MAST2: variants seen among roughly 807,000 people sequenced by gnomAD.
MAST2 encodes microtubule-associated serine/threonine-protein kinase 2.
A neutral mutation model predicts 147.4 loss-of-function variants in MAST2; 70 were observed. That is an observed-to-expected ratio of 0.47 (90% CI 0.39 to 0.58). MAST2 has a LOEUF of 0.58. Among genes scored for constraint, MAST2 ranks in the 20% least tolerant of loss-of-function variants. The pLI is 0.00. For synonymous variants in MAST2, 869 were observed against 896.8 expected (o/e 0.97, Z 0.55); for missense variants, 2,080 against 2,302.3 (o/e 0.90, Z 1.98).
intron 4 of MAST2, among the ~76,000 whole-genome samples, chr1:45,897,390 G>A (rs1648908830): frequency 6.6e-6 from 1 of 152,216 alleles, no homozygotes; most frequent in South Asian, 2.1e-4. Context: ...TAAAAACATA[G>A]TTACAGTTTT....
intron 4 of MAST2, among the ~76,000 whole-genome samples, chr1:45,947,054 G>C (rs1311997209): frequency 1.3e-5 from 2 of 152,168 alleles, no homozygotes; most frequent in African/African-American, 4.8e-5. Context: ...ATTCAAGTTA[G>C]ATTAGGCCTT....
At chr1:45,856,254 G>C (rs1404570195) in intron 3 of MAST2, among the ~76,000 whole-genome samples, 1 of 152,082 alleles carries the variant, frequency 6.6e-6, no homozygotes, top group Non-Finnish European at 1.5e-5. Context: ...GAGGCCAGGA[G>C]TTCAAGACCA....
rs144021205 is a variant in MAST2 at position 45,967,405 on chromosome 1, A to G, written c.592+7928A>G. ...CTTTTGACTGCCCCGAAATTTAACT[A>G]CTAATAGCCTGCTGTTGACCAGAAG... On this transcript the variant is annotated intron_variant, in intron 5 of 28. Transcript: ENST00000361297. 3.4e-3 allele frequency among the ~76,000 whole-genome samples: 525 copies of G among 152,204 alleles called. 2 individuals carry two copies. Among genetic ancestry groups the G allele is most frequent in the African/African-American group, 0.011 (476 of 41,528 alleles).
At chr1:45,974,920 A>C (rs1174621122) in intron 5 of MAST2, among the ~76,000 whole-genome samples, 1 of 152,244 alleles carries the variant, frequency 6.6e-6, no homozygotes, top group Non-Finnish European at 1.5e-5. Flanking sequence ...TAAAGAGTGA[A>C]GGGGATTTCC....
chr1:46,028,709 G>T (rs1480565273), intron 17 of MAST2, 59 bp from the exon 18 acceptor site: 15 of 1,588,048 alleles, frequency 9.4e-6, no homozygotes, highest in Middle Eastern at 1.9e-4. Flanking sequence ...CCCATCTCCG[G>T]CTGTCATGCC....
chr1:45,879,433 C>T (rs1185597470), intron 3 of MAST2, among the ~76,000 whole-genome samples: 2 of 151,904 alleles, frequency 1.3e-5, no homozygotes, highest in African/African-American at 4.8e-5. Flanking sequence ...ATTAGCTGGG[C>T]ATGGTGATGG....
intron 19 of MAST2, 21 bp downstream of exon 19, chr1:46,029,588 T>A: frequency 6.2e-7 from 1 of 1,605,964 alleles, no homozygotes; most frequent in Non-Finnish European, 8.5e-7. Context: ...CCCTGCTAAC[T>A]TTTCTCACTA....
At chr1:45,900,803 GTCT>G (rs1051611422) in intron 4 of MAST2, among the ~76,000 whole-genome samples, 2 of 152,048 alleles carry the variant, frequency 1.3e-5, no homozygotes, top group African/African-American at 4.8e-5. Context: ...TTGGTCACTT[GTCT>G]TCTTTTGTGT....
chr1:45,927,962 G>C (rs975975457), intron 4 of MAST2, among the ~76,000 whole-genome samples: 1 of 152,182 alleles, frequency 6.6e-6, no homozygotes, highest in Admixed American at 6.5e-5. Context: ...CGGTCCCTCT[G>C]TTTGGGGTCC....
intron 4 of MAST2, among the ~76,000 whole-genome samples, chr1:45,936,149 T>C (rs987351850): frequency 2.3e-4 from 35 of 152,230 alleles, no homozygotes; most frequent in African/African-American, 7.0e-4. Flanking sequence ...TTATTCGTTA[T>C]GTGGTTATTG....
intron 10 of MAST2, among the ~76,000 whole-genome samples, chr1:46,017,156 C>T (rs1645985825): frequency 6.6e-6 from 1 of 152,174 alleles, no homozygotes; most frequent in Admixed American, 6.5e-5. Context: ...CTTCCGTACA[C>T]CTTATATAAA....
Position 45,838,100 on chromosome 1 carries a change from A to G in MAST2, c.468+8519A>G, listed in dbSNP as rs950572476. Among the ~76,000 whole-genome samples, 6 of 151,594 alleles carry G rather than the reference A, an allele frequency of 4.0e-5. No homozygotes were observed. In the South Asian group the frequency reaches 1.0e-3, roughly 26 times the overall value. On this transcript the variant is annotated intron_variant, in intron 3 of 28. Coordinates refer to ENST00000361297, the MANE Select transcript of MAST2 (RefSeq NM_015112.3). ...GGCTATCATTTTTTAAATTTTAGCC[A>G]TACTAGTGGATGTGTGGGAGTTTCT...
chr1:45,805,178 A>G (rs1326743199), intron 1 of MAST2, among the ~76,000 whole-genome samples: 1 of 151,806 alleles, frequency 6.6e-6, no homozygotes, highest in Non-Finnish European at 1.5e-5. Context: ...CCTCCCGGCT[A>G]GCTGGGATTA....
At position 46,035,692 on chromosome 1, in the gene MAST2, A is replaced by T; in HGVS notation, c.5023A>T (p.Thr1675Ser). The T allele has an allele frequency of 6.2e-7, 1 of 1,613,946 alleles. No individual in the cohort carries two copies. The highest frequency in any genetic ancestry group is 8.5e-7 in the Non-Finnish European group (1 of 1,180,002). ...PDRASPSRKA[T>S]MAGGLANLQD... ...CAGGGCATCCCCAAGCAGAAAGGCA[A>T]CCATGGCAGGTGGGCTAGCCAACCT... Residue 1675 changes from threonine to serine, a missense_variant, in exon 29 of 29, where the codon ACC (threonine) becomes TCC (serine). This residue lies in a region of MAST2 where 1,278 missense variants were observed against 1,304.2 expected (regional missense o/e 0.98). Coordinates refer to ENST00000361297, the MANE Select transcript of MAST2 (RefSeq NM_015112.3). This position sits in a 1 kb window ranked among gnomAD's most constrained non-coding sequence, Gnocchi z 5.5.
chr1:45,927,051 G>A lies in MAST2; in HGVS notation c.501-32335G>A, dbSNP rs370813336. Among the ~76,000 whole-genome samples the A allele has an allele frequency of 3.4e-3, 525 of 152,266 alleles. 3 individuals carry two copies. The highest frequency in any genetic ancestry group is 0.012 in the African/African-American group (480 of 41,550). On this transcript the variant is annotated intron_variant, in intron 4 of 28. Transcript: ENST00000361297. The stretch of plus-strand genomic sequence containing the variant: ...TGGGTGTCCGGGGGAGACATCACAC[G>A]TTGGTAGGATCCGTGATGCCCCACA...
chr1:45,911,741 A>G (rs2148576486), intron 4 of MAST2, among the ~76,000 whole-genome samples: 1 of 151,164 alleles, frequency 6.6e-6, no homozygotes, highest in African/African-American at 2.4e-5. Context: ...CATATATCAT[A>G]TGGCTATGAT....
At chr1:45,826,178 C>T (rs969859356) in intron 2 of MAST2, among the ~76,000 whole-genome samples, 1 of 152,122 alleles carries the variant, frequency 6.6e-6, no homozygotes, top group Non-Finnish European at 1.5e-5. Flanking sequence ...TGCTAAATCC[C>T]TTTTATCCTG....
Position 46,035,956 on chromosome 1 carries a change from C to T in MAST2, c.5287C>T (p.Pro1763Ser), listed in dbSNP as rs1646889750. 4 of 1,613,890 alleles carry T rather than the reference C, an allele frequency of 2.5e-6. No homozygotes were observed. Among genetic ancestry groups the T allele is most frequent in the African/African-American group, 2.7e-5 (2 of 74,936 alleles). Residue 1763 changes from proline to serine, a missense_variant, in exon 29 of 29, where the codon CCC becomes TCC. Physicochemically the swap from Pro to Ser is moderately conservative, Grantham distance 74 (BLOSUM62 -1). Transcript: ENST00000361297. This position sits in a 1 kb window ranked among gnomAD's most constrained non-coding sequence, Gnocchi z 5.5. The stretch of plus-strand genomic sequence containing the variant: ...GCAGGACGTTCCATGCCGAGGCTGC[C>T]CCCTCACCCAGAAGTCTGAGCCCAG... ...RRQDVPCRGCPLTQKSEPSLR... is the reference protein window; with the variant it reads ...RRQDVPCRGCSLTQKSEPSLR...
chr1:45,924,926 C>G (rs1171083040), intron 4 of MAST2, among the ~76,000 whole-genome samples: 1 of 152,182 alleles, frequency 6.6e-6, no homozygotes, highest in Non-Finnish European at 1.5e-5. Flanking sequence ...ACCAACCCTG[C>G]TAATGCCCTT....
Sources: gnomAD v4.1 joint callset for allele counts (sites outside exome capture counted in the v4.1 genomes callset) on GRCh38, gnomAD v4.1.1 for gene constraint, gnomAD v4.1.1 regional missense constraint, Gnocchi (gnomAD v3.1) non-coding constraint, MANE v1.5 for transcripts, NCBI Gene and HGNC (gene_info 2026-07-23, HGNC 2026-07-21) for gene names.